Variants in EGFLAM observed in about 807,000 individuals in gnomAD.
EGFLAM encodes the protein pikachurin.
EGFLAM carries 79 observed loss-of-function variants against 113.1 expected under a neutral mutation model. The ratio of observed to expected loss-of-function variants is 0.70; its 90% CI spans 0.58 to 0.84. The LOEUF is 0.84. Among genes scored for constraint, EGFLAM ranks in the 40% least tolerant of loss-of-function variants. The pLI, the probability that EGFLAM is intolerant of heterozygous loss-of-function variation, is 0.00. For missense variants in EGFLAM, 1,265 were observed against 1,291.6 expected (o/e 0.98, Z 0.32); for synonymous variants, 504 against 487.6 (o/e 1.03, Z -0.44).
chr5:38,448,472 G>T (rs1742798028), intron 18 of EGFLAM, 93 bp downstream of exon 18: 5 of 1,332,326 alleles, frequency 3.8e-6, no homozygotes, highest in South Asian at 2.5e-5. Flanking sequence ...CATGCCAGAA[G>T]ATAATTCTCA....
At chr5:38,293,476 C>T (rs1417730869) in intron 1 of EGFLAM, among the ~76,000 whole-genome samples, 2 of 152,174 alleles carry the variant, frequency 1.3e-5, no homozygotes, top group African/African-American at 4.8e-5. Flanking sequence ...GGAGACTTGG[C>T]TGACAAGAAT....
chr5:38,314,588 C>T (rs1738543011), intron 1 of EGFLAM, among the ~76,000 whole-genome samples: 1 of 152,228 alleles, frequency 6.6e-6, no homozygotes, highest in South Asian at 2.1e-4. Context: ...GGCTCCCAGG[C>T]ATTGGGTCCC....
intron 1 of EGFLAM, among the ~76,000 whole-genome samples, chr5:38,331,694 C>T (rs956027498): frequency 6.6e-6 from 1 of 152,096 alleles, no homozygotes; most frequent in African/African-American, 2.4e-5. Context: ...TAGGCCTCTT[C>T]ACTTAGCCTA....
intron 12 of EGFLAM, among the ~76,000 whole-genome samples, chr5:38,422,242 C>T (rs548573381): frequency 4.2e-4 from 64 of 152,248 alleles, no homozygotes; most frequent in African/African-American, 1.4e-3. Context: ...CTATGGTAGG[C>T]GCTGGTGAAA....
chr5:38,441,092 G>A (rs1649782319), intron 17 of EGFLAM, among the ~76,000 whole-genome samples: 1 of 152,152 alleles, frequency 6.6e-6, no homozygotes, highest in African/African-American at 2.4e-5. Flanking sequence ...GAGCAAGAGA[G>A]CCTGACCCAG....
chr5:38,308,664 G>C (rs1758790980), intron 1 of EGFLAM, among the ~76,000 whole-genome samples: 1 of 150,916 alleles, frequency 6.6e-6, no homozygotes, highest in Non-Finnish European at 1.5e-5. Flanking sequence ...TCAAAAAAAA[G>C]GTAGCAATAA....
At chr5:38,441,593 T>TACACACACACACACACACACACAC (rs3048229) in intron 17 of EGFLAM, among the ~76,000 whole-genome samples, 3 of 147,560 alleles carry the variant, frequency 2.0e-5, no homozygotes, top group African/African-American at 7.5e-5. Context: ...CGCTGCTTTG[T>TACACACACACACACACACACACAC]ACACACACAC....
At chr5:38,441,121 C>T (rs913084140) in intron 17 of EGFLAM, among the ~76,000 whole-genome samples, 3 of 152,178 alleles carry the variant, frequency 2.0e-5, no homozygotes, top group African/African-American at 7.2e-5. Flanking sequence ...GTGCACTGAG[C>T]TCCCACTGAG....
chr5:38,348,549 T>C (rs2111976730), intron 3 of EGFLAM, among the ~76,000 whole-genome samples: 2 of 152,312 alleles, frequency 1.3e-5, no homozygotes, highest in Admixed American at 1.3e-4. Context: ...TGAGATGCAC[T>C]CACTGGATTC....
intron 5 of EGFLAM, among the ~76,000 whole-genome samples, chr5:38,364,709 C>A (rs1740015421): frequency 6.6e-6 from 1 of 152,098 alleles, no homozygotes; most frequent in African/African-American, 2.4e-5. Flanking sequence ...TAATGAGCTC[C>A]CAGCCCAGGA....
intron 17 of EGFLAM, among the ~76,000 whole-genome samples, chr5:38,439,400 A>AT (rs1489206718): frequency 6.6e-6 from 1 of 152,072 alleles, no homozygotes; most frequent in Non-Finnish European, 1.5e-5. Flanking sequence ...AAAAAAAAAA[A>AT]ACAAGCCTGG....
intron 1 of EGFLAM, among the ~76,000 whole-genome samples, chr5:38,261,001 G>A (rs1290253445): frequency 6.6e-6 from 1 of 152,152 alleles, no homozygotes; most frequent in Non-Finnish European, 1.5e-5. Flanking sequence ...GTACTTTGAA[G>A]GTATCGTGGC....
chr5:38,359,539 G>T (rs1261325086), intron 5 of EGFLAM, among the ~76,000 whole-genome samples: 1 of 152,146 alleles, frequency 6.6e-6, no homozygotes. Flanking sequence ...GCCGGGTGTG[G>T]TGGCACACAC....
At chr5:38,426,943 C>T in intron 13 of EGFLAM, 66 bp from the exon 14 acceptor site, 1 of 1,584,554 alleles carries the variant, frequency 6.3e-7, no homozygotes, top group Non-Finnish European at 8.6e-7. Flanking sequence ...AAGAACACAG[C>T]TATGGGTGCA....
intron 5 of EGFLAM, among the ~76,000 whole-genome samples, chr5:38,366,183 G>A (rs571178843): frequency 6.6e-6 from 1 of 152,270 alleles, no homozygotes; most frequent in Admixed American, 6.5e-5. Flanking sequence ...GCGGAGATGG[G>A]TCTAGAGCAA....
intron 1 of EGFLAM, chr5:38,284,010 G>T (rs952124375): frequency 3.3e-5 from 5 of 152,406 alleles, no homozygotes; most frequent in South Asian, 4.1e-4. Flanking sequence ...AGAAAGGCAG[G>T]GGTGTCAGCG....
At chr5:38,265,687 C>T (rs1757616056) in intron 1 of EGFLAM, among the ~76,000 whole-genome samples, 3 of 152,196 alleles carry the variant, frequency 2.0e-5, no homozygotes, top group African/African-American at 7.2e-5. Flanking sequence ...TGCAGAACCC[C>T]TCATGGGTTC....
intron 1 of EGFLAM, among the ~76,000 whole-genome samples, chr5:38,296,221 G>A (rs1305839777): frequency 6.6e-6 from 1 of 152,098 alleles, no homozygotes; most frequent in African/African-American, 2.4e-5. Context: ...GAGCCAAGGC[G>A]GAAAGAAAGT....
At chr5:38,350,476 A>G in intron 3 of EGFLAM, 25 bp from the exon 4 acceptor site, 3 of 1,608,482 alleles carry the variant, frequency 1.9e-6, no homozygotes, top group East Asian at 2.2e-5. Flanking sequence ...GATTGTTAGC[A>G]TCTTTCTTGT....
Sources: gnomAD v4.1 joint callset for allele counts (sites outside exome capture counted in the v4.1 genomes callset) on GRCh38, gnomAD v4.1.1 for gene constraint, MANE v1.5 for transcripts, NCBI Gene and HGNC (gene_info 2026-07-23, HGNC 2026-07-21) for gene names.